B3GALT1: variants seen among roughly 807,000 people sequenced by gnomAD.
B3GALT1 encodes the protein beta-1,3-galactosyltransferase 1, also known as UDP-Gal:betaGlcNAc beta 1,3-galactosyltransferase, polypeptide 1.
Under a neutral mutation model 23.2 loss-of-function variants are expected in B3GALT1, and 10 were observed. The ratio of observed to expected loss-of-function variants is 0.43; its 90% confidence interval spans 0.27 to 0.73. B3GALT1 has a LOEUF of 0.73. Ranked by LOEUF, B3GALT1 falls within the 30% of genes least tolerant of loss-of-function variation. B3GALT1 has a pLI of 0.21. For missense variants in B3GALT1, 299 were observed against 405.4 expected (o/e 0.74, Z 2.25); for synonymous variants, 156 against 141.5 (o/e 1.10, Z -0.73).
chr2:167,816,718 T>A (rs1243667281), intron 3 of B3GALT1, among the ~76,000 whole-genome samples: 1 of 152,230 alleles, frequency 6.6e-6, no homozygotes, highest in Non-Finnish European at 1.5e-5. Context: ...TAGAGTAAAA[T>A]CTTTCAGGTG....
chr2:167,414,716 C>T (rs1304556682), intron 1 of B3GALT1, among the ~76,000 whole-genome samples: 2 of 152,196 alleles, frequency 1.3e-5, no homozygotes, highest in Non-Finnish European at 2.9e-5. Context: ...ACTGTAAACA[C>T]TGTTGGAAAC....
chr2:167,541,478 A>G (rs958813302), intron 2 of B3GALT1, among the ~76,000 whole-genome samples: 3 of 152,162 alleles, frequency 2.0e-5, no homozygotes, highest in Admixed American at 6.5e-5. Flanking sequence ...AAGGATTTAA[A>G]CTATGTACAC....
At chr2:167,539,487 C>T (rs2105372862) in intron 2 of B3GALT1, among the ~76,000 whole-genome samples, 1 of 152,278 alleles carries the variant, frequency 6.6e-6, no homozygotes, top group African/African-American at 2.4e-5. Context: ...AGGTTGCCCT[C>T]TTTCAACAGA....
intron 3 of B3GALT1, among the ~76,000 whole-genome samples, chr2:167,739,625 C>T (rs924676006): frequency 2.6e-5 from 4 of 152,078 alleles, no homozygotes; most frequent in Admixed American, 6.6e-5. Context: ...TAGTGCTTTT[C>T]TCTACCTAAC....
chr2:167,846,289 C>T (rs1689759970), intron 4 of B3GALT1, among the ~76,000 whole-genome samples: 1 of 152,108 alleles, frequency 6.6e-6, no homozygotes, highest in Admixed American at 6.5e-5. Flanking sequence ...CACCTAGGCA[C>T]ATTGTCATCA....
rs1686358205 is a variant in B3GALT1, at chr2:167,672,923, T to A, written c.-352+25957T>A. Reference sequence around the variant, plus strand: ...TATTCTTCAGACCTCATTGAAGGCCTGTAAAACACCAGTAGATTCTACTGA... The same window carrying A: ...TATTCTTCAGACCTCATTGAAGGCCAGTAAAACACCAGTAGATTCTACTGA... On this transcript the variant is annotated intron_variant, in intron 3 of 4. Transcript: ENST00000392690. 9.2e-5 allele frequency among the ~76,000 whole-genome samples: 14 copies of A among 151,538 alleles called. No individual in the cohort carries two copies. The South Asian group carries it at 2.7e-3, about 29-fold the overall frequency.
At chr2:167,805,502 G>C (rs1166450318) in intron 3 of B3GALT1, among the ~76,000 whole-genome samples, 4 of 152,130 alleles carry the variant, frequency 2.6e-5, no homozygotes. Context: ...ATTGATTTTT[G>C]TATAAGGTGT....
chr2:167,300,961 A>G (rs531611043), intron 1 of B3GALT1, among the ~76,000 whole-genome samples: 18 of 152,324 alleles, frequency 1.2e-4, no homozygotes, highest in East Asian at 1.2e-3. Context: ...ACTTCTCTCA[A>G]TATAGAAATT....
At chr2:167,834,691 A>C (rs1005229991) in intron 4 of B3GALT1, among the ~76,000 whole-genome samples, 2 of 152,156 alleles carry the variant, frequency 1.3e-5, no homozygotes, top group Non-Finnish European at 2.9e-5. Flanking sequence ...TCCACTAAAA[A>C]TACAAAAGTT....
At chr2:167,741,645 C>T (rs1190246282) in intron 3 of B3GALT1, among the ~76,000 whole-genome samples, 1 of 152,160 alleles carries the variant, frequency 6.6e-6, no homozygotes, top group Admixed American at 6.6e-5. Context: ...CATGCCACTC[C>T]CTTCAGGTCC....
chr2:167,809,842 A>G (rs369276118), intron 3 of B3GALT1, among the ~76,000 whole-genome samples: 1 of 151,932 alleles, frequency 6.6e-6, no homozygotes, highest in Non-Finnish European at 1.5e-5. Flanking sequence ...TCTGCAGAGG[A>G]TTCTGCTGCC....
At chr2:167,326,572 T>C (rs981035418) in intron 1 of B3GALT1, among the ~76,000 whole-genome samples, 5 of 152,088 alleles carry the variant, frequency 3.3e-5, no homozygotes, top group Admixed American at 6.5e-5. Context: ...TTGAGACTTA[T>C]GTTTCAGTCT....
intron 1 of B3GALT1, among the ~76,000 whole-genome samples, chr2:167,396,354 A>G (rs1476761883): frequency 2.0e-5 from 3 of 151,972 alleles, no homozygotes; most frequent in Admixed American, 6.6e-5. Flanking sequence ...GCTGTCCTCT[A>G]TGTGTAGGAA....
At chr2:167,462,137 C>T (rs10193628) in intron 1 of B3GALT1, among the ~76,000 whole-genome samples, 17,161 of 152,148 alleles carry the variant, frequency 0.11, 1,125 homozygotes, top group African/African-American at 0.19. Flanking sequence ...ACCTCAAGAG[C>T]ATATAGTAAA....
intron 1 of B3GALT1, among the ~76,000 whole-genome samples, chr2:167,387,044 G>A (rs1697940141): frequency 6.7e-6 from 1 of 148,804 alleles, no homozygotes; most frequent in African/African-American, 2.6e-5. Flanking sequence ...TCATGGGTAA[G>A]GAAACTGCCT....
chr2:167,393,229 G>A (rs541611425), intron 1 of B3GALT1, among the ~76,000 whole-genome samples: 15 of 146,956 alleles, frequency 1.0e-4, no homozygotes, highest in East Asian at 8.0e-4. Context: ...GCGAGACTCC[G>A]TCTCAAAAGA....
chr2:167,618,798 A>T (rs1239365166), intron 2 of B3GALT1, among the ~76,000 whole-genome samples: 2 of 151,950 alleles, frequency 1.3e-5, no homozygotes, highest in East Asian at 3.9e-4. Flanking sequence ...ATTCAAGTTA[A>T]TATTTTGATG....
At chr2:167,550,337 C>A (rs1170873241) in intron 2 of B3GALT1, among the ~76,000 whole-genome samples, 1 of 152,182 alleles carries the variant, frequency 6.6e-6, no homozygotes, top group Non-Finnish European at 1.5e-5. Context: ...GACTTTGTGA[C>A]CTAAAATGCA....
intron 1 of B3GALT1, among the ~76,000 whole-genome samples, chr2:167,460,494 CT>C (rs1373528745): frequency 6.6e-6 from 1 of 152,004 alleles, no homozygotes; most frequent in Admixed American, 6.5e-5. Flanking sequence ...ATTTCATTTT[CT>C]TCATACATGA....
Sources: gnomAD v4.1 joint callset for allele counts (sites outside exome capture counted in the v4.1 genomes callset) on GRCh38, gnomAD v4.1.1 for gene constraint, MANE v1.5 for transcripts, NCBI Gene and HGNC (gene_info 2026-07-23, HGNC 2026-07-21) for gene names.